The following DPP4 variants were observed in gnomAD, a reference collection of about 807,000 sequenced individuals.
DPP4 encodes the protein dipeptidyl peptidase 4.
In DPP4, 93 loss-of-function variants were observed where a neutral mutation model predicts 122.4. The observed-to-expected ratio is 0.76, with a 90% CI of 0.64 to 0.90. DPP4 has a LOEUF of 0.90. DPP4 is among the 40% of genes least tolerant of loss of function. The pLI, the probability that DPP4 is intolerant of heterozygous loss-of-function variation, is 0.00. For synonymous variants in DPP4, 321 were observed against 302.9 expected (o/e 1.06, Z -0.62); for missense variants, 914 against 907.3 (o/e 1.01, Z -0.09).
intron 23 of DPP4, among the ~76,000 whole-genome samples, chr2:161,998,565 G>A (rs1701064147): frequency 6.6e-6 from 1 of 152,170 alleles, no homozygotes; most frequent in Non-Finnish European, 1.5e-5. Flanking sequence ...ACCTCCCTGA[G>A]CCATGAAACT....
chr2:162,014,372 T>C, intron 19 of DPP4, 24 bp downstream of exon 19: 3 of 1,575,858 alleles, frequency 1.9e-6, no homozygotes, highest in Non-Finnish European at 2.6e-6. Flanking sequence ...ACTTCTAAAT[T>C]GCTCCCTTCT....
chr2:161,995,166 C>T (rs1284104118), intron 24 of DPP4, 132 bp from the exon 25 acceptor site: 48 of 1,310,144 alleles, frequency 3.7e-5, no homozygotes, highest in Non-Finnish European at 4.8e-5. Flanking sequence ...TAGCCCAAGA[C>T]AAGTGACTTG....
chr2:162,006,152 C>T (rs1017366994), intron 22 of DPP4, among the ~76,000 whole-genome samples: 1 of 152,156 alleles, frequency 6.6e-6, no homozygotes, highest in Non-Finnish European at 1.5e-5. Context: ...AATCAATAAT[C>T]CACATGCAGA....
At chr2:162,039,459 C>T (rs75749928) in intron 5 of DPP4, among the ~76,000 whole-genome samples, 2,005 of 152,164 alleles carry the variant, frequency 0.013, 43 homozygotes, top group African/African-American at 0.045. Flanking sequence ...AACATTATCC[C>T]TAGCACTCAC....
chr2:162,014,591 G>A (rs1051432529), intron 18 of DPP4, 126 bp from the exon 19 acceptor site: 1 of 636,620 alleles, frequency 1.6e-6, no homozygotes, highest in African/African-American at 1.9e-5. Flanking sequence ...AGTAGAAAAG[G>A]AAAATGAACT....
intron 9 of DPP4, among the ~76,000 whole-genome samples, chr2:162,034,383 C>CT (rs557279140): frequency 1.3e-5 from 2 of 151,420 alleles, no homozygotes; most frequent in African/African-American, 2.4e-5. Context: ...AGTCTCTGAT[C>CT]TTTTTTTTTC....
rs1393963087 is a variant in DPP4, at chr2:162,036,806, A to G, written c.614-1482T>C. On this transcript the variant is annotated intron_variant, in intron 8 of 25. Transcript: ENST00000360534. The stretch of plus-strand genomic sequence containing the variant: ...AGGAAACTGAGGCATGGAGCAATCC[A>G]GTGAATTGCCTGAGACAAGAACTAG... Among the ~76,000 whole-genome samples, 3 of 152,322 alleles carry G rather than the reference A, an allele frequency of 2.0e-5. No homozygotes were observed. In the East Asian group the frequency reaches 5.8e-4, roughly 29 times the overall value.
chr2:162,073,519 G>A (rs765518291), intron 1 of DPP4, 33 bp from the exon 2 acceptor site: 5 of 1,603,986 alleles, frequency 3.1e-6, no homozygotes, highest in Non-Finnish European at 4.3e-6. Flanking sequence ...CCAATTAGAG[G>A]GAAGCGTGTG....
At chr2:162,058,109 G>A (rs1684642406) in intron 2 of DPP4, among the ~76,000 whole-genome samples, 3 of 151,990 alleles carry the variant, frequency 2.0e-5, no homozygotes, top group Admixed American at 2.0e-4. Flanking sequence ...CACCACGCCT[G>A]GCCTCTAGTG....
chr2:162,023,046 TA>T lies in DPP4; in HGVS notation c.1024-248del, dbSNP rs549779211. 1.6e-3 allele frequency among the ~76,000 whole-genome samples: 250 copies of T among 152,310 alleles called. 2 individuals carry two copies. Among genetic ancestry groups the T allele is most frequent in the African/African-American group, 5.5e-3 (227 of 41,568 alleles). On this transcript the variant is annotated intron_variant, in intron 11 of 25. Transcript: ENST00000360534. ...GTTTTAAATCCAGCATGCACAAAAC[TA>T]AAGAGAATTTCATTTGTTTTCCTCT...
intron 2 of DPP4, among the ~76,000 whole-genome samples, chr2:162,061,832 T>C (rs1684785112): frequency 6.6e-6 from 1 of 152,206 alleles, no homozygotes; most frequent in African/African-American, 2.4e-5. Context: ...ATGAAGCTTA[T>C]ATTTTAACTG....
chr2:162,031,143 T>C (rs1443020453), intron 10 of DPP4, among the ~76,000 whole-genome samples: 1 of 152,220 alleles, frequency 6.6e-6, no homozygotes, highest in Non-Finnish European at 1.5e-5. Context: ...GGCATAGGCC[T>C]TGGTCCTATT....
chr2:162,027,290 G>A (rs1363044985), intron 10 of DPP4, among the ~76,000 whole-genome samples: 2 of 151,678 alleles, frequency 1.3e-5, no homozygotes, highest in Non-Finnish European at 2.9e-5. Context: ...GACGGAGGTT[G>A]TGATGAGCCA....
At chr2:162,001,615 T>A (rs1055963592) in intron 23 of DPP4, among the ~76,000 whole-genome samples, 1 of 152,202 alleles carries the variant, frequency 6.6e-6, no homozygotes, top group African/African-American at 2.4e-5. Context: ...CACGTTAACA[T>A]TTTTTACAAG....
intron 8 of DPP4, among the ~76,000 whole-genome samples, chr2:162,036,429 C>G (rs1240967734): frequency 1.7e-4 from 26 of 152,146 alleles, no homozygotes; most frequent in Admixed American, 1.7e-3. Context: ...CAATTGACAT[C>G]TATCATCTCA....
rs1021028550 is a variant in DPP4 at position 162,073,482 on chromosome 2, G to A, written c.11C>T (p.Pro4Leu). 1 of 1,613,830 alleles carries A rather than the reference G, an allele frequency of 6.2e-7. No homozygotes were observed. The highest frequency in any genetic ancestry group is 1.7e-5 in the Admixed American group (1 of 60,020). Residue 4 changes from proline to leucine, a missense_variant, in exon 2 of 26, where the codon CCG becomes CTG. Coordinates refer to ENST00000360534, the MANE Select transcript of DPP4 (RefSeq NM_001935.4). ...CAGCAGTCCCAGAAGAACCTTCCAC[G>A]GTGTCTGCAAGCCGAGCAGATCAAG... Reference protein sequence around the residue: MKTPWKVLLGLLGA... With the variant: MKTLWKVLLGLLGA...
At chr2:162,043,416 C>T (rs968427844) in intron 5 of DPP4, among the ~76,000 whole-genome samples, 28 of 152,080 alleles carry the variant, frequency 1.8e-4, no homozygotes, top group African/African-American at 6.5e-4. Flanking sequence ...GTAGTACTTT[C>T]GATACTGTCT....
In DPP4 at chr2:162,020,603, C is replaced by A; in HGVS notation, c.1154G>T (p.Cys385Phe). The change falls in exon 13 of 26, where the codon TGC becomes TTC. Residue 385 changes from cysteine to phenylalanine, a missense_variant. Coordinates refer to ENST00000360534, the MANE Select transcript of DPP4 (RefSeq NM_001935.4). ...ISNEEGYRHI[C>F]YFQIDKKDCT... ...CACTTTTTTATCTATTTGGAAATAG[C>A]AAATGTGTCTGTAACCTTCTTCATT... The A allele has an allele frequency of 1.2e-6, 2 of 1,607,846 alleles. No individual in the cohort carries two copies. The highest frequency in any genetic ancestry group is 1.7e-6 in the Non-Finnish European group (2 of 1,178,234).
intron 9 of DPP4, 108 bp from the exon 10 acceptor site, chr2:162,033,761 T>C: frequency 1.5e-6 from 1 of 662,712 alleles, no homozygotes; most frequent in Non-Finnish European, 2.5e-6. Flanking sequence ...CATAAAATTA[T>C]CACAATCAGA....
Sources: allele counts gnomAD v4.1 joint callset (sites outside exome capture counted in the v4.1 genomes callset), GRCh38; gene constraint gnomAD v4.1.1; transcripts MANE v1.5; gene names NCBI Gene and HGNC (gene_info 2026-07-23, HGNC 2026-07-21).